Variants in NRXN3 observed in about 807,000 individuals in gnomAD.
NRXN3 encodes the protein neurexin 3, also known as neurexin III.
In NRXN3, 32 loss-of-function variants were observed where a neutral mutation model predicts 137.6. The observed-to-expected ratio is 0.23, with a 90% confidence interval of 0.18 to 0.31. NRXN3 has a LOEUF of 0.31. Ranked by LOEUF, NRXN3 falls within the 10% of genes least tolerant of loss-of-function variation. NRXN3 has a pLI of 1.00. For missense variants in NRXN3, 1,574 were observed against 2,062.5 expected, an observed-to-expected ratio of 0.76 and a Z score of 4.59; for synonymous variants, 798 against 784.5, an observed-to-expected ratio of 1.02 and a Z score of -0.29.
intron 16 of NRXN3, among the ~76,000 whole-genome samples, chr14:79,481,114 C>A (rs1483269407): frequency 1.3e-5 from 2 of 149,338 alleles, no homozygotes; most frequent in African/African-American, 4.9e-5. Context: ...TAGACAAACT[C>A]CCTGTCCTCA....
chr14:79,545,738 T>C (rs959561193), intron 16 of NRXN3, among the ~76,000 whole-genome samples: 2 of 151,994 alleles, frequency 1.3e-5, no homozygotes, highest in African/African-American at 4.8e-5. Flanking sequence ...ATATAGCCTC[T>C]TCCTCCACAC....
At chr14:79,857,409 A>C (rs7153054) in intron 20 of NRXN3, among the ~76,000 whole-genome samples, 21,766 of 151,942 alleles carry the variant, frequency 0.14, 1,685 homozygotes, top group Middle Eastern at 0.19. Context: ...TTTTTAGTAG[A>C]GATGGGGTTT....
chr14:79,676,608 G>A (rs997858983), intron 17 of NRXN3, among the ~76,000 whole-genome samples: 1 of 151,926 alleles, frequency 6.6e-6, no homozygotes, highest in Non-Finnish European at 1.5e-5. Flanking sequence ...AGAAAGGAAA[G>A]GGAGAGAAAC....
intron 15 of NRXN3, among the ~76,000 whole-genome samples, chr14:79,104,483 T>C (rs79951274): frequency 0.016 from 2,454 of 152,292 alleles, 54 homozygotes; most frequent in African/African-American, 0.056. Context: ...ATGACTCTGG[T>C]AAACTTTGAA....
chr14:78,678,225 GCTTA>G (rs2098030633), intron 6 of NRXN3, among the ~76,000 whole-genome samples: 1 of 151,902 alleles, frequency 6.6e-6, no homozygotes, highest in Non-Finnish European at 1.5e-5. Flanking sequence ...TATCTGTACA[GCTTA>G]CTTTTTAAAC....
chr14:79,323,815 G>A (rs1327932666), intron 15 of NRXN3, among the ~76,000 whole-genome samples: 11 of 152,026 alleles, frequency 7.2e-5, no homozygotes, highest in South Asian at 4.1e-4. Flanking sequence ...CCTAGATTGC[G>A]CCACTGCACT....
chr14:79,509,256 C>T (rs116755197), intron 16 of NRXN3, among the ~76,000 whole-genome samples: 3,889 of 152,076 alleles, frequency 0.026, 73 homozygotes, highest in South Asian at 0.084. Context: ...AGTGTAATCC[C>T]AGGACTTTTG....
At chr14:78,664,995 A>C (rs2097870456) in intron 6 of NRXN3, among the ~76,000 whole-genome samples, 1 of 152,226 alleles carries the variant, frequency 6.6e-6, no homozygotes, top group South Asian at 2.1e-4. Flanking sequence ...GAATGCAGTA[A>C]ATATTCATGG....
At chr14:79,144,513 C>T (rs2059112575) in intron 15 of NRXN3, among the ~76,000 whole-genome samples, 1 of 152,092 alleles carries the variant, frequency 6.6e-6, no homozygotes. Flanking sequence ...TATTGTTTAC[C>T]ACCCATCATG....
intron 16 of NRXN3, among the ~76,000 whole-genome samples, chr14:79,469,689 G>T (rs1445238412): frequency 6.6e-6 from 1 of 152,140 alleles, no homozygotes; most frequent in Admixed American, 6.5e-5. Context: ...ATTAGGAAAT[G>T]ATGTCACCTG....
intron 15 of NRXN3, among the ~76,000 whole-genome samples, chr14:79,091,179 A>G (rs749351647): frequency 1.7e-4 from 26 of 150,700 alleles, no homozygotes; most frequent in Non-Finnish European, 3.2e-4. Flanking sequence ...TTTTTTTGTC[A>G]GGTGCACTAG....
At chr14:78,308,581 C>T (rs1567220219) in intron 4 of NRXN3, among the ~76,000 whole-genome samples, 1 of 152,048 alleles carries the variant, frequency 6.6e-6, no homozygotes, top group Admixed American at 6.6e-5. Flanking sequence ...GGAAAAGAAC[C>T]TTGTTTGCAA....
intron 15 of NRXN3, among the ~76,000 whole-genome samples, chr14:79,393,203 T>C (rs979031318): frequency 1.3e-5 from 2 of 151,866 alleles, no homozygotes; most frequent in South Asian, 2.1e-4. Flanking sequence ...CAGACAGACA[T>C]TGTAATTACA....
intron 20 of NRXN3, among the ~76,000 whole-genome samples, chr14:79,842,190 G>T (rs2099357263): frequency 6.6e-6 from 1 of 152,160 alleles, no homozygotes; most frequent in Admixed American, 6.5e-5. Context: ...CTCTCTTGGA[G>T]CTTATATTCC....
At chr14:78,585,585 C>T (rs1434621636) in intron 4 of NRXN3, among the ~76,000 whole-genome samples, 4 of 151,958 alleles carry the variant, frequency 2.6e-5, no homozygotes, top group Admixed American at 1.3e-4. Flanking sequence ...AAGTTAGTGG[C>T]GGAAGAGGTC....
At chr14:78,340,177 A>G (rs930418386) in intron 4 of NRXN3, among the ~76,000 whole-genome samples, 2 of 152,192 alleles carry the variant, frequency 1.3e-5, no homozygotes, top group Non-Finnish European at 1.5e-5. Context: ...AAACTGAGAA[A>G]ACCAGCCACC....
At chr14:78,563,673 C>T (rs75449449) in intron 4 of NRXN3, among the ~76,000 whole-genome samples, 2,256 of 152,298 alleles carry the variant, frequency 0.015, 42 homozygotes, top group African/African-American at 0.052. Context: ...TTGTGTCTAG[C>T]CCATCCACCT....
At chr14:79,126,496 A>C (rs922721543) in intron 15 of NRXN3, among the ~76,000 whole-genome samples, 1 of 152,102 alleles carries the variant, frequency 6.6e-6, no homozygotes, top group African/African-American at 2.4e-5. Context: ...CCTACAAAGG[A>C]CATGAACTCA....
chr14:78,781,631 G>C (rs1000233487), intron 8 of NRXN3, among the ~76,000 whole-genome samples: 67 of 152,160 alleles, frequency 4.4e-4, no homozygotes, highest in African/African-American at 1.6e-3. Flanking sequence ...GCCTCATTGA[G>C]AAAATGTCAA....
Sources: allele counts gnomAD v4.1 joint callset (sites outside exome capture counted in the v4.1 genomes callset), GRCh38; gene constraint gnomAD v4.1.1; transcripts MANE v1.5; gene names NCBI Gene and HGNC (gene_info 2026-07-23, HGNC 2026-07-21).